KLHL23: variants seen among roughly 807,000 people sequenced by gnomAD.
KLHL23 encodes kelch-like protein 23.
KLHL23 carries 33 observed loss-of-function variants against 48.9 expected under a neutral mutation model. The ratio of observed to expected loss-of-function variants is 0.67; its 90% CI spans 0.51 to 0.90. The LOEUF (loss-of-function observed/expected upper bound fraction) is 0.90, where lower values mean the gene tolerates loss of function less well. Among genes scored for constraint, KLHL23 ranks in the 40% least tolerant of loss-of-function variants. KLHL23 has a pLI of 0.00. For missense variants in KLHL23, 608 were observed against 669.6 expected, an observed-to-expected ratio of 0.91 and a Z score of 1.02; for synonymous variants, 234 against 231.6, an observed-to-expected ratio of 1.01 and a Z score of -0.09.
chr2:169,734,487 C>T (rs745671909), intron 1 of KLHL23, among the ~76,000 whole-genome samples: 4 of 151,990 alleles, frequency 2.6e-5, no homozygotes, highest in Non-Finnish European at 5.9e-5. Flanking sequence ...AAGGGCTGCG[C>T]CGAGCTGCCT....
At chr2:169,739,525 T>C (rs1439772640) in intron 2 of KLHL23, among the ~76,000 whole-genome samples, 1 of 152,130 alleles carries the variant, frequency 6.6e-6, no homozygotes, top group Non-Finnish European at 1.5e-5. Context: ...GGCTTTTCCC[T>C]CTGTCTAGAA....
At chr2:169,734,927 C>T in intron 1 of KLHL23, 86 bp from the exon 2 acceptor site, 2 of 1,470,646 alleles carry the variant, frequency 1.4e-6, no homozygotes, top group South Asian at 1.5e-5. Flanking sequence ...TGGAGTATAT[C>T]CGATGATAGT....
At chr2:169,741,202 C>G (rs1429350353) in intron 2 of KLHL23, 183 bp from the exon 3 acceptor site, 8 of 635,708 alleles carry the variant, frequency 1.3e-5, no homozygotes, top group Middle Eastern at 4.5e-4. Flanking sequence ...GTGTGCACGT[C>G]TCACCCTCTC....
chr2:169,741,695 CAAT>C (rs1319043528), intron 3 of KLHL23, among the ~76,000 whole-genome samples, 158 bp downstream of exon 3: 1 of 152,160 alleles, frequency 6.6e-6, no homozygotes, highest in South Asian at 2.1e-4. Context: ...GTCCATCTAA[CAAT>C]AATCACAATG....
chr2:169,742,239 T>C (rs896402865), intron 3 of KLHL23, among the ~76,000 whole-genome samples: 5 of 152,240 alleles, frequency 3.3e-5, no homozygotes, highest in Admixed American at 6.5e-5. Context: ...TCATTTTCCA[T>C]AGAGCATCAG....
Position 169,737,762 on chromosome 2 carries a change from G to A in KLHL23, c.1213+1535G>A, listed in dbSNP as rs545033582. On this transcript the variant is annotated intron_variant, in intron 2 of 3. Coordinates refer to ENST00000392647, the MANE Select transcript of KLHL23 (RefSeq NM_144711.6). The stretch of plus-strand genomic sequence containing the variant: ...CCTGAGTAGCTGGGATTACAGGCAT[G>A]TGCCACCACACCTAGGTAATTTTTG... 1.8e-4 allele frequency among the ~76,000 whole-genome samples: 27 copies of A among 152,038 alleles called. No individual in the cohort carries two copies. In the East Asian group the frequency reaches 3.3e-3, roughly 19 times the overall value.
chr2:169,744,635 C>G (rs1263570847), intron 3 of KLHL23, among the ~76,000 whole-genome samples: 1 of 151,224 alleles, frequency 6.6e-6, no homozygotes. Context: ...CTCGGCTAAC[C>G]GCAACATCCG....
Position 169,744,407 on chromosome 2 carries a change from C to G in KLHL23, c.1366+2870C>G, listed in dbSNP as rs770521543. ...AGGGTTTTTCTGGCAAGAAGTCAGC[C>G]CAGTGGAGGAAGGTGGAAAGGAAAG... On this transcript the variant is annotated intron_variant, in intron 3 of 3. Coordinates refer to ENST00000392647, the MANE Select transcript of KLHL23 (RefSeq NM_144711.6). Among the ~76,000 whole-genome samples the G allele has an allele frequency of 3.7e-4, 56 of 152,100 alleles. 1 individual carries two copies. The Middle Eastern group carries it at 0.027, about 74-fold the overall frequency.
rs531405651 is a variant in KLHL23 at position 169,743,125 on chromosome 2, A to G, written c.1366+1588A>G. On this transcript the variant is annotated intron_variant, in intron 3 of 3. Coordinates refer to ENST00000392647, the MANE Select transcript of KLHL23 (RefSeq NM_144711.6). ...ACCTCATGTTACCCTTAGAAGTTAG[A>G]TGTTACTCTGCCTATTTTGTGGATA... Among the ~76,000 whole-genome samples, 31 of 152,324 alleles carry G rather than the reference A, an allele frequency of 2.0e-4. No homozygotes were observed. The East Asian group carries it at 5.4e-3, about 27-fold the overall frequency.
Position 169,751,721 on chromosome 2 carries a change from C to T in KLHL23, c.*1989C>T, listed in dbSNP as rs1430538094. Reference sequence around the variant, plus strand: ...AATGAGCACAATACAAAATAGTATGCATACTATGATTGTGACTTTGTAAAA... The same window carrying T: ...AATGAGCACAATACAAAATAGTATGTATACTATGATTGTGACTTTGTAAAA... On this transcript the variant is annotated 3_prime_UTR_variant, in exon 4 of 4. Coordinates refer to ENST00000392647, the MANE Select transcript of KLHL23 (RefSeq NM_144711.6). The T allele has an allele frequency of 6.6e-6, 1 of 152,144 alleles. No individual in the cohort carries two copies. The highest frequency in any genetic ancestry group is 1.9e-4 in the East Asian group (1 of 5,190). The allele number at this position is 152,144 out of a possible 1,614,324, so 9.4% of individuals were successfully genotyped here.
At chr2:169,738,843 CT>C (rs1688586185) in intron 2 of KLHL23, among the ~76,000 whole-genome samples, 2 of 7,242 alleles carry the variant, frequency 2.8e-4, no homozygotes, top group African/African-American at 1.0e-3. Context: ...CCTCCTCCCC[CT>C]CCCCTTCCTC....
At chr2:169,739,252 C>T (rs1406018170) in intron 2 of KLHL23, among the ~76,000 whole-genome samples, 1 of 151,892 alleles carries the variant, frequency 6.6e-6, no homozygotes, top group Non-Finnish European at 1.5e-5. Context: ...CAAAATCAGG[C>T]CCTCGAGACC....
intron 2 of KLHL23, among the ~76,000 whole-genome samples, chr2:169,739,096 C>T (rs1055588605): frequency 1.4e-5 from 2 of 146,950 alleles, no homozygotes; most frequent in Non-Finnish European, 3.0e-5. Context: ...CCCACCCCTC[C>T]TTGTTTTGGC....
chr2:169,738,177 A>G (rs534080717), intron 2 of KLHL23, among the ~76,000 whole-genome samples: 7 of 152,224 alleles, frequency 4.6e-5, no homozygotes, highest in Non-Finnish European at 7.3e-5. Context: ...AGGGAGAGGT[A>G]ACACTGCCAG....
At chr2:169,745,438 G>A (rs572379293) in intron 3 of KLHL23, among the ~76,000 whole-genome samples, 6 of 150,376 alleles carry the variant, frequency 4.0e-5, no homozygotes, top group East Asian at 2.0e-4. Context: ...GTGTGAACCC[G>A]GGAGGCAGAG....
chr2:169,738,533 A>G (rs1245331829), intron 2 of KLHL23, among the ~76,000 whole-genome samples: 1 of 152,156 alleles, frequency 6.6e-6, no homozygotes, highest in African/African-American at 2.4e-5. Context: ...GGTACAGTCA[A>G]ATTTAAAATT....
chr2:169,743,672 C>T (rs536290831), intron 3 of KLHL23, among the ~76,000 whole-genome samples: 3 of 152,308 alleles, frequency 2.0e-5, no homozygotes, highest in South Asian at 2.1e-4. Context: ...GCAGCAGTCA[C>T]GGGAGCCAGG....
chr2:169,737,059 G>A (rs1394614083), intron 2 of KLHL23, among the ~76,000 whole-genome samples: 2 of 152,228 alleles, frequency 1.3e-5, no homozygotes, highest in African/African-American at 2.4e-5. Flanking sequence ...CGCTGCCTCT[G>A]AAGCTAAACT....
chr2:169,744,980 T>G (rs1270513570), intron 3 of KLHL23, among the ~76,000 whole-genome samples: 1 of 151,432 alleles, frequency 6.6e-6, no homozygotes, highest in Non-Finnish European at 1.5e-5. Flanking sequence ...CTCTGTTGCT[T>G]AGGCTGGAGT....
Sources: allele counts gnomAD v4.1 joint callset (sites outside exome capture counted in the v4.1 genomes callset), GRCh38; gene constraint gnomAD v4.1.1; transcripts MANE v1.5; gene names NCBI Gene and HGNC (gene_info 2026-07-23, HGNC 2026-07-21).